The following GPC6 variants were observed in gnomAD, a reference collection of about 807,000 sequenced individuals.
GPC6 encodes glypican 6, also known as glypican-6.
A neutral mutation model predicts 55.2 loss-of-function variants in GPC6; 14 were observed. That is an observed-to-expected ratio of 0.25 (90% CI 0.17 to 0.40). The LOEUF (loss-of-function observed/expected upper bound fraction) is 0.40, where lower values mean the gene tolerates loss of function less well. Among genes scored for constraint, GPC6 ranks in the 10% least tolerant of loss-of-function variants. The probability of loss-of-function intolerance (pLI) is 1.00; values close to 1 mark genes in which losing one functional copy is unlikely to be tolerated. For missense variants in GPC6, 641 were observed against 708.5 expected (o/e 0.90, Z 1.08); for synonymous variants, 278 against 259.6 (o/e 1.07, Z -0.68).
At chr13:94,365,354 A>G (rs1879243931) in intron 6 of GPC6, among the ~76,000 whole-genome samples, 1 of 152,200 alleles carries the variant, frequency 6.6e-6, no homozygotes, top group Admixed American at 6.5e-5. Flanking sequence ...TATTGTTCCT[A>G]GAATTCCCTT....
chr13:93,642,859 A>G (rs1483810429), intron 2 of GPC6, among the ~76,000 whole-genome samples: 1 of 152,104 alleles, frequency 6.6e-6, no homozygotes, highest in Admixed American at 6.6e-5. Context: ...CAGTGGTTTC[A>G]TCAGCTTCAG....
intron 1 of GPC6, among the ~76,000 whole-genome samples, chr13:93,456,896 A>G (rs1878474904): frequency 1.3e-5 from 2 of 152,124 alleles, no homozygotes; most frequent in Non-Finnish European, 2.9e-5. Flanking sequence ...TTGAATTGTA[A>G]TAATCCCCAC....
chr13:93,378,220 T>G (rs919705229), intron 1 of GPC6, among the ~76,000 whole-genome samples: 4 of 152,236 alleles, frequency 2.6e-5, no homozygotes, highest in African/African-American at 7.2e-5. Flanking sequence ...GAAATGATTC[T>G]GCTACTTGAT....
At chr13:93,512,052 A>G (rs983290271) in intron 1 of GPC6, among the ~76,000 whole-genome samples, 1 of 152,102 alleles carries the variant, frequency 6.6e-6, no homozygotes, top group Non-Finnish European at 1.5e-5. Flanking sequence ...ACTTTACTGA[A>G]TTCATTTATC....
At chr13:93,973,581 G>A (rs922093961) in intron 3 of GPC6, among the ~76,000 whole-genome samples, 4 of 152,064 alleles carry the variant, frequency 2.6e-5, no homozygotes, top group African/African-American at 7.2e-5. Flanking sequence ...TTGTTTTGTG[G>A]TGAGACAACA....
intron 4 of GPC6, among the ~76,000 whole-genome samples, chr13:94,191,967 G>A (rs1303376944): frequency 6.6e-6 from 1 of 152,062 alleles, no homozygotes; most frequent in Non-Finnish European, 1.5e-5. Context: ...TTGAAGAGAA[G>A]ACCTCTCATT....
intron 4 of GPC6, among the ~76,000 whole-genome samples, chr13:94,189,787 C>G (rs535137213): frequency 2.0e-4 from 31 of 152,038 alleles, no homozygotes; most frequent in Admixed American, 3.9e-4. Context: ...TTTGGGAGAC[C>G]GACGCGGGCA....
At chr13:94,129,136 A>G (rs1886926771) in intron 4 of GPC6, among the ~76,000 whole-genome samples, 1 of 152,166 alleles carries the variant, frequency 6.6e-6, no homozygotes, top group Non-Finnish European at 1.5e-5. Context: ...TGTTTAGCAC[A>G]TTTTAAAAAC....
chr13:94,091,272 C>A (rs1034343684), intron 4 of GPC6, among the ~76,000 whole-genome samples: 1 of 152,044 alleles, frequency 6.6e-6, no homozygotes, highest in African/African-American at 2.4e-5. Context: ...ACTCCAGGGG[C>A]CCTTGGATTC....
At chr13:93,802,232 A>G (rs569844915) in intron 2 of GPC6, among the ~76,000 whole-genome samples, 2 of 151,782 alleles carry the variant, frequency 1.3e-5, no homozygotes, top group South Asian at 2.1e-4. Context: ...AAATATGGCA[A>G]TTTTTTTCCT....
intron 4 of GPC6, among the ~76,000 whole-genome samples, chr13:94,266,078 C>T (rs1391026431): frequency 6.6e-6 from 1 of 152,022 alleles, no homozygotes; most frequent in Non-Finnish European, 1.5e-5. Flanking sequence ...AACTTGACCT[C>T]TCATCACCTG....
At chr13:93,506,943 C>A (rs1880746659) in intron 1 of GPC6, among the ~76,000 whole-genome samples, 1 of 150,374 alleles carries the variant, frequency 6.7e-6, no homozygotes, top group Admixed American at 6.6e-5. Flanking sequence ...CGCCTGTAGT[C>A]CCAGCTACTC....
rs4001797 is a variant in GPC6 at position 93,977,467 on chromosome 13, GGTGTGTGTGTGTGTGTGT to G, written c.712-50228_712-50211del. Among the ~76,000 whole-genome samples, 1,124 of 137,370 alleles carry G rather than the reference GGTGTGTGTGTGTGTGTGT, an allele frequency of 8.2e-3. 18 individuals carry two copies. Among genetic ancestry groups the G allele is most frequent in the African/African-American group, 0.028 (1,051 of 37,112 alleles). 90.1% of individuals were successfully genotyped at this position (137,370 alleles called of 152,430 possible). On this transcript the variant is annotated intron_variant, in intron 3 of 8. Transcript: ENST00000377047. ...TCTATGATTTGCCAAGATGACAAGG[GGTGTGTGTGTGTGTGTGT>G]GTGTGTGTGTGTGTGTGTGTGTGTG...
At chr13:93,279,840 A>G (rs1293728226) in intron 1 of GPC6, among the ~76,000 whole-genome samples, 1 of 152,224 alleles carries the variant, frequency 6.6e-6, no homozygotes, top group Non-Finnish European at 1.5e-5. Flanking sequence ...CTTACTTTAC[A>G]GTATTCGTTT....
chr13:94,284,448 A>G (rs1185461751), intron 4 of GPC6, among the ~76,000 whole-genome samples: 1 of 142,610 alleles, frequency 7.0e-6, no homozygotes, highest in East Asian at 2.0e-4. Context: ...TCATATGAAT[A>G]CATGTATGTT....
intron 3 of GPC6, among the ~76,000 whole-genome samples, chr13:93,893,312 C>T (rs1454249044): frequency 6.6e-6 from 1 of 152,026 alleles, no homozygotes; most frequent in East Asian, 1.9e-4. Flanking sequence ...GCCTCGGCCT[C>T]CCAAGGTGAT....
intron 2 of GPC6, among the ~76,000 whole-genome samples, chr13:93,790,955 A>G (rs1034900203): frequency 6.6e-6 from 1 of 152,170 alleles, no homozygotes; most frequent in African/African-American, 2.4e-5. Flanking sequence ...AGAATAAAAT[A>G]CTTTAACTGA....
chr13:93,965,030 T>TAATA (rs1879963291), intron 3 of GPC6, among the ~76,000 whole-genome samples: 1 of 151,982 alleles, frequency 6.6e-6, no homozygotes, highest in South Asian at 2.1e-4. Flanking sequence ...ATTTCATGTT[T>TAATA]AATAATTATC....
At chr13:93,710,831 G>A (rs1312426566) in intron 2 of GPC6, among the ~76,000 whole-genome samples, 1 of 151,612 alleles carries the variant, frequency 6.6e-6, no homozygotes, top group Non-Finnish European at 1.5e-5. Context: ...TCCTAAATGT[G>A]TAAACATGCT....
Sources: gnomAD v4.1 joint callset for allele counts (sites outside exome capture counted in the v4.1 genomes callset) on GRCh38, gnomAD v4.1.1 for gene constraint, MANE v1.5 for transcripts, NCBI Gene and HGNC (gene_info 2026-07-23, HGNC 2026-07-21) for gene names.